Variants in MAX observed in about 807,000 individuals in gnomAD.
MAX encodes the protein MYC associated transcriptional regulator X.
MAX carries 3 observed loss-of-function variants against 22.3 expected under a neutral mutation model. That is an observed-to-expected ratio of 0.13 (90% confidence interval 0.06 to 0.35). MAX has a LOEUF of 0.35. Among genes scored for constraint, MAX ranks in the 10% least tolerant of loss-of-function variants. MAX has a pLI of 1.00. For synonymous variants in MAX, 72 were observed against 77.7 expected (o/e 0.93, Z 0.39); for missense variants, 119 against 209.4 (o/e 0.57, Z 2.66).
Position 65,027,683 on chromosome 14 carries a change from T to G in MAX, c.172-21399A>C, listed in dbSNP as rs754593069. 9 of 1,614,208 alleles carry G rather than the reference T, an allele frequency of 5.6e-6. No individual in the cohort carries two copies. In the East Asian group the frequency reaches 2.0e-4, roughly 36 times the overall value. On this transcript the variant is annotated intron_variant, in intron 3 of 3. Transcript: ENST00000341653. The surrounding 1 kb of genome is among the most constrained non-coding windows in gnomAD (Gnocchi z 5.7). ...ACTGACTGTTGCCTCTCCTACCTCT[T>G]TCCCTGTTTCTCAGAGAGAAGCTTC...
At chr14:65,051,522 A>G (rs2062610291) in intron 3 of MAX, among the ~76,000 whole-genome samples, 1 of 151,914 alleles carries the variant, frequency 6.6e-6, no homozygotes, top group Non-Finnish European at 1.5e-5. Context: ...GAGGCAGGAC[A>G]ATCGCTTGAA....
intron 3 of MAX, among the ~76,000 whole-genome samples, chr14:65,048,759 G>T (rs1161507308): frequency 1.3e-5 from 2 of 152,192 alleles, no homozygotes; most frequent in African/African-American, 2.4e-5. Flanking sequence ...GGAGGCTGAG[G>T]TAGAAGGATC....
intron 3 of MAX, among the ~76,000 whole-genome samples, chr14:65,020,844 G>C (rs2061873486): frequency 6.7e-6 from 1 of 149,524 alleles, no homozygotes; most frequent in Admixed American, 6.8e-5. Flanking sequence ...TGATTCTCCT[G>C]CCTCAGCTTC....
chr14:65,060,881 A>C (rs2062850483), intron 3 of MAX, among the ~76,000 whole-genome samples: 2 of 151,036 alleles, frequency 1.3e-5, no homozygotes, highest in Non-Finnish European at 3.0e-5. Flanking sequence ...AAAAAAAAAA[A>C]AAAAAAAAAA....
intron 2 of MAX, among the ~76,000 whole-genome samples, chr14:65,099,848 T>A (rs892172125): frequency 6.6e-6 from 1 of 152,254 alleles, no homozygotes; most frequent in Non-Finnish European, 1.5e-5. Flanking sequence ...TAATGACTAT[T>A]ACCCAGGGAT....
chr14:65,060,903 A>T (rs1434338679), intron 3 of MAX, among the ~76,000 whole-genome samples: 1 of 148,318 alleles, frequency 6.7e-6, no homozygotes, highest in Non-Finnish European at 1.5e-5. Flanking sequence ...AAACAGTTTG[A>T]GATAGTATTG....
intron 3 of MAX, among the ~76,000 whole-genome samples, chr14:65,016,146 T>C (rs2061769665): frequency 6.6e-6 from 1 of 152,146 alleles, no homozygotes; most frequent in Non-Finnish European, 1.5e-5. Context: ...CCGCTCCCGG[T>C]GCTTGGAGCG....
At chr14:65,073,275 A>G (rs924068722), downstream of MAX, among the ~76,000 whole-genome samples, 10 of 152,170 alleles carry the variant, frequency 6.6e-5, no homozygotes, top group African/African-American at 2.4e-4. Context: ...AACACACATG[A>G]TACTATCAGA....
At chr14:65,092,930 T>C (rs577634188) in intron 3 of MAX, among the ~76,000 whole-genome samples, 122 of 152,352 alleles carry the variant, frequency 8.0e-4, no homozygotes, top group African/African-American at 2.5e-3. Context: ...TTGCCAGTTA[T>C]TCCAATGAAT....
chr14:65,093,479 T>G lies in MAX; in HGVS notation c.171+229A>C. On this transcript the variant is annotated intron_variant, in intron 3 of 4. Transcript: ENST00000358664. The surrounding 1 kb of genome is among the most constrained non-coding windows in gnomAD (Gnocchi z 4.4). ...AATAATACAAATTTTAAAAGATAAC[T>G]CCTACCATTATCTCACAAATAGCTC... The G allele has an allele frequency of 1.8e-6, 1 of 558,830 alleles. No individual in the cohort carries two copies. The highest frequency in any genetic ancestry group is 3.1e-5 in the East Asian group (1 of 32,288). The allele number at this position is 558,830 out of a possible 1,614,324, so 34.6% of individuals were successfully genotyped here.
chr14:65,061,482 CACAGTGGCTGGTTTT>C (rs2062864756), intron 3 of MAX: 1 of 1,201,836 alleles, frequency 8.3e-7, no homozygotes, highest in Non-Finnish European at 1.1e-6. Context: ...GTTTGGAGAA[CACAGTGGCTGGTTTT>C]AAAAATTCTT....
At chr14:65,095,209 C>T (rs2063626936) in intron 2 of MAX, among the ~76,000 whole-genome samples, 2 of 152,234 alleles carry the variant, frequency 1.3e-5, no homozygotes, top group Admixed American at 1.3e-4. Flanking sequence ...TAATACCTCA[C>T]CTACAGCTCT....
At position 65,047,200 on chromosome 14, in the gene MAX, G is replaced by C. The variant is rs889746064; in HGVS notation, c.172-40916C>G. On this transcript the variant is annotated intron_variant, in intron 3 of 3. Transcript: ENST00000341653. This position sits in a 1 kb window ranked among gnomAD's most constrained non-coding sequence, Gnocchi z 5.2. ...CACTGTATGCCAGGGGCTGTACTGA[G>C]CATTTCACATATGTTTTCTCATTTA... is the stretch of plus-strand genomic sequence containing the variant. 6.6e-6 allele frequency among the ~76,000 whole-genome samples: 1 copy of C among 152,198 alleles called. No homozygotes were observed. Among genetic ancestry groups the C allele is most frequent in the Admixed American group, 6.5e-5 (1 of 15,284 alleles).
At chr14:65,066,692 T>TA (rs966782572) in intron 3 of MAX, among the ~76,000 whole-genome samples, 4 of 150,134 alleles carry the variant, frequency 2.7e-5, no homozygotes, top group Non-Finnish European at 1.5e-5. Flanking sequence ...CCGTCTCTAC[T>TA]AAAAATACAA....
chr14:65,024,163 T>C (rs2061938346), intron 3 of MAX, among the ~76,000 whole-genome samples: 1 of 151,588 alleles, frequency 6.6e-6, no homozygotes, highest in South Asian at 2.1e-4. Context: ...AGAGCTGCAG[T>C]TTAGCAAGAT....
intron 3 of MAX, among the ~76,000 whole-genome samples, chr14:65,046,796 T>C (rs955571005): frequency 6.6e-6 from 1 of 151,980 alleles, no homozygotes; most frequent in Non-Finnish European, 1.5e-5. Flanking sequence ...TAGTGAAGAG[T>C]TGACTACAAA....
At chr14:65,038,271 G>A (rs562847923) in intron 3 of MAX, among the ~76,000 whole-genome samples, 4 of 151,888 alleles carry the variant, frequency 2.6e-5, no homozygotes, top group African/African-American at 9.7e-5. Flanking sequence ...TTAGCCGGGT[G>A]TGGTGGTGGG....
At chr14:65,013,481 A>T (rs1427559000) in intron 3 of MAX, among the ~76,000 whole-genome samples, 1 of 152,182 alleles carries the variant, frequency 6.6e-6, no homozygotes, top group Non-Finnish European at 1.5e-5. Context: ...CAAGTCCTCA[A>T]TAGTTATGTT....
At position 65,009,912 on chromosome 14, in the gene MAX, G is replaced by A. The variant is rs1413211379; in HGVS notation, c.172-3628C>T. Among the ~76,000 whole-genome samples the A allele has an allele frequency of 1.3e-5, 2 of 152,268 alleles. No individual in the cohort carries two copies. The highest frequency in any genetic ancestry group is 3.9e-4 in the East Asian group (2 of 5,178). ...TCACATGTGTGTCCACCTCTGGACT[G>A]TCGCTCTAGGGTACAGAGCAGCCTC... On this transcript the variant is annotated intron_variant, in intron 3 of 3. Transcript: ENST00000341653. This position sits in a 1 kb window ranked among gnomAD's most constrained non-coding sequence, Gnocchi z 4.2.
Sources: gnomAD v4.1 joint callset for allele counts (sites outside exome capture counted in the v4.1 genomes callset) on GRCh38, gnomAD v4.1.1 for gene constraint, Gnocchi (gnomAD v3.1) non-coding constraint, MANE v1.5 for transcripts, NCBI Gene and HGNC (gene_info 2026-07-23, HGNC 2026-07-21) for gene names.